The following LTF variants were observed in gnomAD, a reference collection of about 807,000 sequenced individuals.
The protein encoded by LTF is epididymis luminal protein 110.
A neutral mutation model predicts 87.2 loss-of-function variants in LTF; 91 were observed. The ratio of observed to expected loss-of-function variants is 1.04; its 90% CI spans 0.88 to 1.24. LTF has a LOEUF of 1.24. Among genes scored for constraint, LTF ranks in the 50% most tolerant of loss-of-function variants. The pLI, the probability that LTF is intolerant of heterozygous loss-of-function variation, is 0.00. For synonymous variants in LTF, 378 were observed against 356.1 expected (o/e 1.06, Z -0.69); for missense variants, 901 against 904.3 (o/e 1.00, Z 0.05).
Position 46,440,007 on chromosome 3 carries a change from A to G in LTF, c.1724-527T>C, listed in dbSNP as rs145679259. ...ACAGAAAGTGGATTGATGGTTGCCAATGCTGAAGAAGGATAGGGCAATGAC... is the reference window on the plus strand; with the variant it reads ...ACAGAAAGTGGATTGATGGTTGCCAGTGCTGAAGAAGGATAGGGCAATGAC... On this transcript the variant is annotated intron_variant, in intron 14 of 16. Coordinates refer to ENST00000231751, the MANE Select transcript of LTF (RefSeq NM_002343.6). Among the ~76,000 whole-genome samples, 48 of 152,360 alleles carry G rather than the reference A, an allele frequency of 3.2e-4. 1 individual carries two copies. In the East Asian group the frequency reaches 9.1e-3, roughly 29 times the overall value.
chr3:46,484,526 T>C (rs1252536797), intron 1 of LTF, among the ~76,000 whole-genome samples: 1 of 152,090 alleles, frequency 6.6e-6, no homozygotes, highest in African/African-American at 2.4e-5. Context: ...CTTGCTCCCC[T>C]AAAAAATTGC....
chr3:46,450,146 G>T (rs1158252776), intron 7 of LTF, 118 bp from the exon 8 acceptor site: 2 of 814,776 alleles, frequency 2.5e-6, no homozygotes, highest in South Asian at 1.8e-5. Context: ...CAGGAGCCTC[G>T]GTTGAGACCC....
Position 46,450,620 on chromosome 3 carries a change from T to A in LTF, c.757A>T (p.Asn253Tyr), listed in dbSNP as rs573100300. 6.2e-7 allele frequency: 1 copy of A among 1,614,136 alleles called. No individual in the cohort carries two copies. Among genetic ancestry groups the A allele is most frequent in the African/African-American group, 1.3e-5 (1 of 75,034 alleles). The change falls in exon 7 of 17, where the codon AAC becomes TAC. Residue 253 changes from asparagine (N) to tyrosine (Y), a missense_variant. Transcript: ENST00000231751. ...AACTTGTCCACTGGCTTCCGAGTGTTGTCTGGGCAGAGTAACTCATACTCG... is the reference window on the plus strand; with the variant it reads ...AACTTGTCCACTGGCTTCCGAGTGTAGTCTGGGCAGAGTAACTCATACTCG... ...RDEYELLCPD[N>Y]TRKPVDKFKD... is the part of the protein sequence containing the mutation.
At chr3:46,464,687 T>C (rs1472080796) in intron 1 of LTF, 138 bp downstream of exon 1, 14 of 897,048 alleles carry the variant, frequency 1.6e-5, no homozygotes, top group Non-Finnish European at 2.4e-5. Context: ...CCGGGCCGCC[T>C]CCCGGCTGTA....
intron 1 of LTF, among the ~76,000 whole-genome samples, chr3:46,460,976 G>A (rs1429019902): frequency 6.6e-6 from 1 of 152,110 alleles, no homozygotes; most frequent in Non-Finnish European, 1.5e-5. Flanking sequence ...ACATCAAAAA[G>A]GATTTAGTAC....
chr3:46,454,468 G>A (rs960292978), intron 5 of LTF, 108 bp from the exon 6 acceptor site: 54 of 989,114 alleles, frequency 5.5e-5, no homozygotes, highest in South Asian at 5.2e-5. Flanking sequence ...ACTCCCTGCA[G>A]GGCAGGGCTC....
chr3:46,465,705 T>C (rs1162811105), upstream of LTF, among the ~76,000 whole-genome samples: 3 of 152,110 alleles, frequency 2.0e-5, no homozygotes, highest in African/African-American at 7.2e-5. Flanking sequence ...TCGCCATAAA[T>C]GTCAGATTTT....
chr3:46,465,109 GC>G (rs1703183615), upstream of LTF: 1 of 565,802 alleles, frequency 1.8e-6, no homozygotes, highest in Non-Finnish European at 3.1e-6. Context: ...TCCTGGTTCT[GC>G]CTGGCTGCTG....
In LTF at chr3:46,455,201, C is replaced by A. The variant is rs1702895951; in HGVS notation, c.647+94G>T. 9 of 1,473,640 alleles carry A rather than the reference C, an allele frequency of 6.1e-6. No homozygotes were observed. In the Admixed American group the frequency reaches 1.0e-4, roughly 17 times the overall value. 91.3% of individuals were successfully genotyped at this position (1,473,640 alleles called of 1,614,324 possible). A position where few individuals can be genotyped will look rare whatever the true frequency, so the allele number is the denominator to read the frequency against. On this transcript the variant is annotated intron_variant, in intron 5 of 16. Transcript: ENST00000231751. The stretch of plus-strand genomic sequence containing the variant: ...ACAGACCTCCTCTCGTCCCCAAGAG[C>A]AGGCTGGGCTCTATGTGGGGCCAGA...
chr3:46,455,423 T>A lies in LTF; in HGVS notation c.519A>T (p.Ser173=). The part of the protein sequence containing the change: ...PIEAAVARFF[S]ASCVPGADKG... ...TATCTGCACCGGGAACACAGCTGGC[T>A]GAGAAGAACCTGGCCACAGCTGTTA... Residue 173 remains serine (S), a synonymous_variant, in exon 5 of 17, where the codon TCA becomes TCT. Transcript: ENST00000231751. The A allele has an allele frequency of 6.2e-7, 1 of 1,614,216 alleles. No homozygotes were observed. The highest frequency in any genetic ancestry group is 8.5e-7 in the Non-Finnish European group (1 of 1,180,030).
Position 46,449,885 on chromosome 3 carries a change from G to A in LTF, c.1026C>T (p.Gly342=). The part of the protein sequence containing the change: ...RIDSGLYLGS[G]YFTAIQNLRK... ...TCAAGTTCTGGATGGCAGTGAAGTA[G>A]CCGGAGCCAAGGTACAGCCCAGAAT... Residue 342 remains glycine, a synonymous_variant, in exon 8 of 17, where the codon GGC becomes GGT. Transcript: ENST00000231751. The A allele has an allele frequency of 6.2e-7, 1 of 1,614,180 alleles. No homozygotes were observed. Among genetic ancestry groups the A allele is most frequent in the African/African-American group, 1.3e-5 (1 of 75,048 alleles).
intron 1 of LTF, among the ~76,000 whole-genome samples, chr3:46,472,544 G>C (rs1238694207): frequency 6.6e-6 from 1 of 151,744 alleles, no homozygotes; most frequent in Admixed American, 6.6e-5. Context: ...GAGAGAGAGA[G>C]AGAGAGAGAG....
intron 16 of LTF, among the ~76,000 whole-genome samples, chr3:46,437,708 G>A (rs1284785581): frequency 6.6e-6 from 1 of 152,104 alleles, no homozygotes; most frequent in African/African-American, 2.4e-5. Flanking sequence ...AAGATTTCAT[G>A]ACAGTGCCAT....
At chr3:46,484,424 A>C (rs1019200627) in intron 1 of LTF, among the ~76,000 whole-genome samples, 1 of 152,172 alleles carries the variant, frequency 6.6e-6, no homozygotes, top group Non-Finnish European at 1.5e-5. Flanking sequence ...CTCACAGATC[A>C]GGACACTGAG....
At chr3:46,474,357 G>A (rs568828618) in intron 1 of LTF, among the ~76,000 whole-genome samples, 2 of 152,216 alleles carry the variant, frequency 1.3e-5, no homozygotes, top group African/African-American at 4.8e-5. Flanking sequence ...AAATTATTAG[G>A]GGCAGAAAGA....
intron 1 of LTF, among the ~76,000 whole-genome samples, chr3:46,477,891 G>T (rs1406340677): frequency 2.6e-5 from 4 of 152,296 alleles, no homozygotes; most frequent in Non-Finnish European, 2.9e-5. Flanking sequence ...GGCGGCTCCA[G>T]TTGAGTCACA....
At chr3:46,470,946 A>G (rs974044806) in intron 1 of LTF, among the ~76,000 whole-genome samples, 4 of 152,198 alleles carry the variant, frequency 2.6e-5, no homozygotes, top group African/African-American at 9.7e-5. Flanking sequence ...ATATTTGCAG[A>G]CATTCATGAG....
Position 46,435,941 on chromosome 3 carries a change from T to C in LTF, c.*254A>G. The C allele has an allele frequency of 1.9e-6, 1 of 533,130 alleles. No homozygotes were observed. Among genetic ancestry groups the C allele is most frequent in the South Asian group, 2.1e-5 (1 of 46,586 alleles). 33.0% of individuals were successfully genotyped at this position (533,130 alleles called of 1,614,324 possible). On this transcript the variant is annotated 3_prime_UTR_variant, in exon 17 of 17. Coordinates refer to ENST00000231751, the MANE Select transcript of LTF (RefSeq NM_002343.6). ...AAACTTGGAAGGGAAGGTCCAACTGTACAGGTATTTTGTCAGGCATGTGAT... is the reference window on the plus strand; with the variant it reads ...AAACTTGGAAGGGAAGGTCCAACTGCACAGGTATTTTGTCAGGCATGTGAT...
At chr3:46,484,636 C>T (rs902798221) in intron 1 of LTF, among the ~76,000 whole-genome samples, 3 of 152,146 alleles carry the variant, frequency 2.0e-5, no homozygotes, top group African/African-American at 7.2e-5. Flanking sequence ...ATCTGGGGGC[C>T]CCAGCATATT....
Sources: gnomAD v4.1 joint callset for allele counts (sites outside exome capture counted in the v4.1 genomes callset) on GRCh38, gnomAD v4.1.1 for gene constraint, MANE v1.5 for transcripts, NCBI Gene and HGNC (gene_info 2026-07-23, HGNC 2026-07-21) for gene names.